The following TECRL variants were observed in gnomAD, a reference collection of about 807,000 sequenced individuals.
TECRL encodes trans-2,3-enoyl-CoA reductase-like.
A neutral mutation model predicts 52.8 loss-of-function variants in TECRL; 63 were observed. The ratio of observed to expected loss-of-function variants is 1.19; its 90% confidence interval spans 0.97 to 1.47. The LOEUF (loss-of-function observed/expected upper bound fraction) is 1.47, where lower values mean the gene tolerates loss of function less well. TECRL is among the 40% of genes most tolerant of loss of function. The probability of loss-of-function intolerance (pLI) is 0.00; values close to 1 mark genes in which losing one functional copy is unlikely to be tolerated. For synonymous variants in TECRL, 164 were observed against 141.9 expected, an observed-to-expected ratio of 1.16 and a Z score of -1.10; for missense variants, 482 against 429.6, an observed-to-expected ratio of 1.12 and a Z score of -1.08.
At chr4:64,333,616 T>C (rs1433559279) in intron 2 of TECRL, among the ~76,000 whole-genome samples, 2 of 152,182 alleles carry the variant, frequency 1.3e-5, no homozygotes, top group Admixed American at 6.5e-5. Flanking sequence ...TGGGAAGTAT[T>C]CTTTGACTTT....
Position 64,316,841 on chromosome 4 carries a change from A to G in TECRL, c.436-2078T>C, listed in dbSNP as rs138280465. 3.3e-3 allele frequency among the ~76,000 whole-genome samples: 496 copies of G among 152,328 alleles called. 2 individuals carry two copies. The highest frequency in any genetic ancestry group is 0.012 in the African/African-American group (479 of 41,582). On this transcript the variant is annotated intron_variant, in intron 4 of 11. Transcript: ENST00000381210. Reference sequence around the variant, plus strand: ...ATTTCTATTATCAAATAGTATTTATAGCTCCTCTTTCAAAAAGTTAACTGT... The same window carrying G: ...ATTTCTATTATCAAATAGTATTTATGGCTCCTCTTTCAAAAAGTTAACTGT...
At chr4:64,312,557 T>C (rs917268259) in intron 5 of TECRL, among the ~76,000 whole-genome samples, 2 of 150,892 alleles carry the variant, frequency 1.3e-5, no homozygotes, top group African/African-American at 2.4e-5. Context: ...AGCCCAGGAG[T>C]TCAAGAACAG....
In TECRL at chr4:64,302,884, C is replaced by T. The variant is rs1047592860; in HGVS notation, c.730+2282G>A. Among the ~76,000 whole-genome samples, 3 of 150,806 alleles carry T rather than the reference C, an allele frequency of 2.0e-5. No individual in the cohort carries two copies. In the East Asian group the frequency reaches 5.8e-4, roughly 29 times the overall value. On this transcript the variant is annotated intron_variant, in intron 7 of 11. Transcript: ENST00000381210. ...TATATACTATTTCCTTTTTTGTTACCTTGTCATAGTTGCTCTTTAATTATT... is the reference window on the plus strand; with the variant it reads ...TATATACTATTTCCTTTTTTGTTACTTTGTCATAGTTGCTCTTTAATTATT...
chr4:64,398,425 G>A (rs2109771386), intron 1 of TECRL, among the ~76,000 whole-genome samples: 1 of 152,240 alleles, frequency 6.6e-6, no homozygotes, highest in Non-Finnish European at 1.5e-5. Flanking sequence ...TCAAAAAAGT[G>A]AGTGAGTTCT....
chr4:64,313,843 G>A (rs911779165), intron 5 of TECRL, among the ~76,000 whole-genome samples: 10 of 149,858 alleles, frequency 6.7e-5, no homozygotes, highest in Non-Finnish European at 1.5e-4. Context: ...CTTATAAAAA[G>A]TAACTTGTGG....
At chr4:64,344,581 G>T (rs991039840) in intron 2 of TECRL, among the ~76,000 whole-genome samples, 1 of 152,068 alleles carries the variant, frequency 6.6e-6, no homozygotes, top group Non-Finnish European at 1.5e-5. Flanking sequence ...TGTTGAAAAT[G>T]GTGCCTGACA....
intron 1 of TECRL, among the ~76,000 whole-genome samples, chr4:64,384,994 TC>T (rs1275984917): frequency 6.6e-6 from 1 of 152,116 alleles, no homozygotes; most frequent in Admixed American, 6.6e-5. Context: ...GCAGACCAGT[TC>T]CCAGGCCCAT....
At chr4:64,323,056 G>T (rs866221682) in intron 3 of TECRL, among the ~76,000 whole-genome samples, 16 of 152,034 alleles carry the variant, frequency 1.1e-4, no homozygotes, top group South Asian at 4.2e-4. Context: ...TTATTTCTGA[G>T]AACATGTTAT....
chr4:64,305,458 G>C (rs1209623392), intron 6 of TECRL, among the ~76,000 whole-genome samples: 1 of 152,074 alleles, frequency 6.6e-6, no homozygotes, highest in Non-Finnish European at 1.5e-5. Flanking sequence ...AACCAGGTAG[G>C]GGCTGGTTAG....
chr4:64,385,709 TTG>T (rs779646229), intron 1 of TECRL, among the ~76,000 whole-genome samples: 4 of 152,096 alleles, frequency 2.6e-5, no homozygotes, highest in African/African-American at 7.2e-5. Flanking sequence ...AGCAGCTAAT[TTG>T]AGTCTTAAGA....
chr4:64,321,544 C>T (rs282248), intron 4 of TECRL, among the ~76,000 whole-genome samples: 1 of 152,018 alleles, frequency 6.6e-6, no homozygotes, highest in African/African-American at 2.4e-5. Context: ...GCTCATTATT[C>T]TTTGTATATC....
At chr4:64,311,114 G>A (rs571993829) in intron 5 of TECRL, among the ~76,000 whole-genome samples, 5 of 152,226 alleles carry the variant, frequency 3.3e-5, no homozygotes, top group East Asian at 1.9e-4. Context: ...TTATTTATAC[G>A]TTTGGGAGTT....
chr4:64,352,063 A>G (rs1381242732), intron 2 of TECRL, among the ~76,000 whole-genome samples: 1 of 152,206 alleles, frequency 6.6e-6, no homozygotes, highest in African/African-American at 2.4e-5. Flanking sequence ...AGTTAAAACT[A>G]TTTTTGTTCA....
At chr4:64,355,704 A>C (rs966933984) in intron 2 of TECRL, among the ~76,000 whole-genome samples, 5 of 149,538 alleles carry the variant, frequency 3.3e-5, no homozygotes, top group East Asian at 2.0e-4. Flanking sequence ...TGGGAGGCTG[A>C]GAATGGCGTG....
intron 4 of TECRL, among the ~76,000 whole-genome samples, chr4:64,320,173 T>C (rs189841664): frequency 6.6e-6 from 1 of 152,042 alleles, no homozygotes; most frequent in East Asian, 1.9e-4. Context: ...TTCATATTAA[T>C]CTTTTATCCT....
At chr4:64,325,171 G>T (rs1197643598) in intron 3 of TECRL, among the ~76,000 whole-genome samples, 3 of 152,184 alleles carry the variant, frequency 2.0e-5, no homozygotes, top group Admixed American at 6.5e-5. Flanking sequence ...GGAAGTGACA[G>T]CCAGCAAGAA....
intron 1 of TECRL, among the ~76,000 whole-genome samples, chr4:64,392,918 A>G (rs1723643617): frequency 6.6e-6 from 1 of 151,924 alleles, no homozygotes; most frequent in Non-Finnish European, 1.5e-5. Flanking sequence ...CCATCTCTAC[A>G]TCATGTAAAT....
chr4:64,394,977 A>G (rs530539311), intron 1 of TECRL, among the ~76,000 whole-genome samples: 4 of 146,460 alleles, frequency 2.7e-5, no homozygotes, highest in African/African-American at 1.0e-4. Context: ...CAGTGGCACA[A>G]TCTCAGCTCA....
chr4:64,359,671 A>T (rs777267954), intron 2 of TECRL, among the ~76,000 whole-genome samples: 4 of 152,054 alleles, frequency 2.6e-5, no homozygotes, highest in Non-Finnish European at 4.4e-5. Flanking sequence ...ATGCACTTCA[A>T]GAATGATTAG....
Sources: gnomAD v4.1 joint callset for allele counts (sites outside exome capture counted in the v4.1 genomes callset) on GRCh38, gnomAD v4.1.1 for gene constraint, MANE v1.5 for transcripts, NCBI Gene and HGNC (gene_info 2026-07-23, HGNC 2026-07-21) for gene names.